Variants in ZNF438 observed in about 807,000 individuals in gnomAD.
The protein encoded by ZNF438 is zinc finger protein 438.
ZNF438 carries 25 observed loss-of-function variants against 38.0 expected under a neutral mutation model. The ratio of observed to expected loss-of-function variants is 0.66; its 90% confidence interval spans 0.48 to 0.92. The LOEUF (loss-of-function observed/expected upper bound fraction) is 0.92, where lower values mean the gene tolerates loss of function less well. Ranked by LOEUF, ZNF438 falls within the 40% of genes least tolerant of loss-of-function variation. The pLI, the probability that ZNF438 is intolerant of heterozygous loss-of-function variation, is 0.00. For synonymous variants in ZNF438, 372 were observed against 364.1 expected, an observed-to-expected ratio of 1.02 and a Z score of -0.25; for missense variants, 1,007 against 999.6, an observed-to-expected ratio of 1.01 and a Z score of -0.10.
At chr10:30,863,965 T>TA (rs1381176268) in intron 4 of ZNF438, among the ~76,000 whole-genome samples, 1 of 152,220 alleles carries the variant, frequency 6.6e-6, no homozygotes, top group African/African-American at 2.4e-5. Flanking sequence ...TACTTGTCCC[T>TA]AAGAGACTCT....
Position 30,961,266 on chromosome 10 carries a change from ATTTT to A in ZNF438, c.-191-19619_-191-19616del, listed in dbSNP as rs751298192. ...TAAAAAAAAAAAATTAAAAAAAAAAATTTTTTAATTTATTATACCTTTTTAAAAA... is the reference window on the plus strand; with the variant it reads ...TAAAAAAAAAAAATTAAAAAAAAAAATTAATTTATTATACCTTTTTAAAAA... On this transcript the variant is annotated intron_variant, in intron 1 of 5. Transcript: ENST00000413025. 2.8e-5 allele frequency among the ~76,000 whole-genome samples: 4 copies of A among 141,764 alleles called. No individual in the cohort carries two copies. In the Admixed American group the frequency reaches 2.8e-4, roughly 10 times the overall value. 93.0% of individuals were successfully genotyped at this position (141,764 alleles called of 152,430 possible). A position where few individuals can be genotyped will look rare whatever the true frequency, so the allele number is the denominator to read the frequency against.
chr10:30,889,926 T>C (rs1413380411), intron 3 of ZNF438, among the ~76,000 whole-genome samples: 1 of 152,116 alleles, frequency 6.6e-6, no homozygotes, highest in Non-Finnish European at 1.5e-5. Context: ...AGAGATAAAA[T>C]ACTTAACTCT....
chr10:30,989,467 T>TA lies in ZNF438; in HGVS notation c.-192+42365dup, dbSNP rs61122466. Among the ~76,000 whole-genome samples, 897 of 152,334 alleles carry TA rather than the reference T, an allele frequency of 5.9e-3. 9 individuals carry two copies. Among genetic ancestry groups the TA allele is most frequent in the African/African-American group, 0.021 (864 of 41,574 alleles). ...GCCACATCTTCCTATACCAGAATGA[T>TA]ACATAACCCAATAACCCTGACCCTT... On this transcript the variant is annotated intron_variant, in intron 1 of 5. Coordinates refer to ENST00000413025, the Ensembl canonical transcript of ZNF438.
At chr10:30,844,945 A>G (rs200162535) in exon 6 of ZNF438, 43 of 1,609,112 alleles carry the variant, frequency 2.7e-5, no homozygotes, top group Non-Finnish European at 3.4e-5. Context: ...CCTTAACCCC[A>G]GGCTGCCTTG....
At chr10:30,973,147 CTGAAAGT>C (rs1438791834) in intron 1 of ZNF438, among the ~76,000 whole-genome samples, 1 of 152,196 alleles carries the variant, frequency 6.6e-6, no homozygotes, top group Non-Finnish European at 1.5e-5. Flanking sequence ...CTGCAGAAAT[CTGAAAGT>C]ATAGGCACCT....
intron 4 of ZNF438, 136 bp from the exon 6 acceptor site, chr10:30,850,503 G>GAGGGACACAAGATT: frequency 1.1e-6 from 1 of 950,612 alleles, no homozygotes; most frequent in Non-Finnish European, 1.5e-6. Context: ...GCAAAATCTT[G>GAGGGACACAAGATT]TGTCCCTCAA....
At chr10:30,989,249 T>C (rs1308177631) in intron 1 of ZNF438, among the ~76,000 whole-genome samples, 1 of 152,224 alleles carries the variant, frequency 6.6e-6, no homozygotes, top group Non-Finnish European at 1.5e-5. Flanking sequence ...CTCTCTCTGT[T>C]TCTCTGGAGA....
chr10:30,870,699 G>T (rs1237630153), intron 4 of ZNF438, among the ~76,000 whole-genome samples: 2 of 152,160 alleles, frequency 1.3e-5, no homozygotes, highest in Non-Finnish European at 2.9e-5. Flanking sequence ...ATCAGCTGTT[G>T]ACAAAAATGT....
At chr10:30,943,348 A>G (rs984296188) in intron 1 of ZNF438, among the ~76,000 whole-genome samples, 9 of 152,164 alleles carry the variant, frequency 5.9e-5, no homozygotes, top group Admixed American at 5.9e-4. Flanking sequence ...TGGCAAGACC[A>G]TCTATTGAGA....
At chr10:30,859,447 T>C (rs529992841) in intron 4 of ZNF438, among the ~76,000 whole-genome samples, 1 of 152,292 alleles carries the variant, frequency 6.6e-6, no homozygotes, top group South Asian at 2.1e-4. Flanking sequence ...GCCCATTTTA[T>C]TCCAAAGGCT....
At chr10:30,850,259 C>A (rs754782389) in exon 5 of ZNF438, 2 of 1,614,178 alleles carry the variant, frequency 1.2e-6, no homozygotes, top group South Asian at 2.2e-5. Flanking sequence ...TGGCAGCATT[C>A]TGGACGTTAG....
At chr10:31,014,065 A>C (rs893424027) in intron 1 of ZNF438, among the ~76,000 whole-genome samples, 2 of 151,980 alleles carry the variant, frequency 1.3e-5, no homozygotes, top group African/African-American at 4.8e-5. Context: ...TTGATCTTAA[A>C]ATGCTTGTCT....
rs145257557 is a variant in ZNF438, at chr10:30,981,966, TC to T, written c.-191-40316del. On this transcript the variant is annotated intron_variant, in intron 1 of 5. Coordinates refer to ENST00000413025, the Ensembl canonical transcript of ZNF438. Reference sequence around the variant, plus strand: ...TACAATCAGCTGAATGGTAAGCATGTCCCTAAAAACAATACTTTTAATGCTC... The same window carrying T: ...TACAATCAGCTGAATGGTAAGCATGTCCTAAAAACAATACTTTTAATGCTC... Among the ~76,000 whole-genome samples, 96 of 152,222 alleles carry T rather than the reference TC, an allele frequency of 6.3e-4. 1 individual carries two copies. The East Asian group carries it at 0.017, about 28-fold the overall frequency.
At position 30,960,420 on chromosome 10, in the gene ZNF438, C is replaced by G. The variant is rs1489641592; in HGVS notation, c.-191-18769G>C. On this transcript the variant is annotated intron_variant, in intron 1 of 5. Coordinates refer to ENST00000413025, the Ensembl canonical transcript of ZNF438. ...TAATTTTAGCTCTTACATTTAGGCC[C>G]CTAATTCATTGTCAGCTAATTTTTG... 2.2e-4 allele frequency among the ~76,000 whole-genome samples: 32 copies of G among 146,582 alleles called. 1 individual carries two copies. Among genetic ancestry groups the G allele is most frequent in the Non-Finnish European group, 3.1e-5 (2 of 64,708 alleles).
chr10:31,010,878 G>T (rs2055608317), intron 1 of ZNF438, among the ~76,000 whole-genome samples: 1 of 118,208 alleles, frequency 8.5e-6, no homozygotes. Context: ...GGATAACGAA[G>T]TGAGACCCTG....
At position 30,961,765 on chromosome 10, in the gene ZNF438, G is replaced by C. The variant is rs1244806534; in HGVS notation, c.-191-20114C>G. Among the ~76,000 whole-genome samples, 20 of 145,826 alleles carry C rather than the reference G, an allele frequency of 1.4e-4. 1 individual carries two copies. The highest frequency in any genetic ancestry group is 4.2e-4 in the African/African-American group (17 of 40,942). ...TGGCCGGGTGTGGTGGCGTGCGCCT[G>C]TGATCCTAGCTACTCAGGAGGCTGA... On this transcript the variant is annotated intron_variant, in intron 1 of 5. Transcript: ENST00000413025.
At chr10:30,886,389 C>T (rs891598947) in intron 3 of ZNF438, among the ~76,000 whole-genome samples, 5 of 152,076 alleles carry the variant, frequency 3.3e-5, no homozygotes, top group Non-Finnish European at 5.9e-5. Context: ...ATGAATTTTC[C>T]TGGCTTGTTT....
chr10:30,937,005 C>G lies in ZNF438; in HGVS notation c.-115+4570G>C, dbSNP rs557149914. On this transcript the variant is annotated intron_variant, in intron 2 of 5. Coordinates refer to ENST00000413025, the Ensembl canonical transcript of ZNF438. Reference sequence around the variant, plus strand: ...GGACTCCTCAGTGTGTGTACCTTAGCAGCTATCGTGTTCCTCTTGGACCAG... The same window carrying G: ...GGACTCCTCAGTGTGTGTACCTTAGGAGCTATCGTGTTCCTCTTGGACCAG... Among the ~76,000 whole-genome samples the G allele has an allele frequency of 2.8e-4, 43 of 152,308 alleles. No homozygotes were observed. The South Asian group carries it at 7.5e-3, about 26-fold the overall frequency.
chr10:30,879,426 C>A (rs1000078574), intron 3 of ZNF438, among the ~76,000 whole-genome samples: 1 of 151,920 alleles, frequency 6.6e-6, no homozygotes, highest in Non-Finnish European at 1.5e-5. Context: ...TATCTACCAC[C>A]CAATAAAGTA....
Sources: gnomAD v4.1 joint callset for allele counts (sites outside exome capture counted in the v4.1 genomes callset) on GRCh38, gnomAD v4.1.1 for gene constraint, MANE v1.5 for transcripts, NCBI Gene and HGNC (gene_info 2026-07-23, HGNC 2026-07-21) for gene names.